Variants in AGGF1 observed in about 807,000 individuals in gnomAD.
AGGF1 encodes the protein angiogenic factor with G patch and FHA domains 1.
A neutral mutation model predicts 86.5 loss-of-function variants in AGGF1; 56 were observed. That is an observed-to-expected ratio of 0.65 (90% CI 0.52 to 0.81). The LOEUF (loss-of-function observed/expected upper bound fraction) is 0.81, where lower values mean the gene tolerates loss of function less well. Among genes scored for constraint, AGGF1 ranks in the 30% least tolerant of loss-of-function variants. The pLI is 0.00. For missense variants in AGGF1, 816 were observed against 850.9 expected (o/e 0.96, Z 0.51); for synonymous variants, 313 against 297.1 (o/e 1.05, Z -0.55).
chr5:77,049,094 G>A, intron 8 of AGGF1, 107 bp downstream of exon 8: 1 of 1,033,234 alleles, frequency 9.7e-7, no homozygotes, highest in Admixed American at 1.8e-5. Flanking sequence ...AGGTTAACAT[G>A]CAGTGTAGTA....
chr5:77,036,833 G>A (rs1042301710), intron 4 of AGGF1, 113 bp downstream of exon 4: 1 of 1,163,330 alleles, frequency 8.6e-7, no homozygotes, highest in Admixed American at 1.9e-5. Context: ...CACCCCCCAG[G>A]TTCAAGTGAT....
Position 77,030,756 on chromosome 5 carries a change from C to A in AGGF1, c.-11C>A. On this transcript the variant is annotated 5_prime_UTR_variant, in exon 1 of 14. Coordinates refer to ENST00000312916, the MANE Select transcript of AGGF1 (RefSeq NM_018046.5). ...CCCTCCGCGGCGACGAGCAGTCTCG[C>A]GCCGGAGCTCATGGCCTCGGAGGCG... is the stretch of plus-strand genomic sequence containing the variant. 6.4e-7 allele frequency: 1 copy of A among 1,561,056 alleles called. No homozygotes were observed. The highest frequency in any genetic ancestry group is 8.6e-7 in the Non-Finnish European group (1 of 1,160,130).
At chr5:77,052,936 G>C (rs1434143481) in intron 9 of AGGF1, 129 bp downstream of exon 9, 2 of 781,248 alleles carry the variant, frequency 2.6e-6, no homozygotes, top group East Asian at 5.4e-5. Flanking sequence ...ACTTCGGAAG[G>C]AATTTCCAGA....
intron 5 of AGGF1, among the ~76,000 whole-genome samples, chr5:77,043,776 T>A (rs1338180770): frequency 8.5e-6 from 1 of 118,046 alleles, no homozygotes; most frequent in African/African-American, 3.0e-5. Flanking sequence ...GCTCCTCACT[T>A]CTCAGAGTGG....
Position 77,059,639 on chromosome 5 carries a change from G to T in AGGF1, c.1740G>T (p.Lys580Asn). 3.7e-6 allele frequency: 6 copies of T among 1,609,510 alleles called. No homozygotes were observed. Among genetic ancestry groups the T allele is most frequent in the Non-Finnish European group, 5.1e-6 (6 of 1,176,330 alleles). Residue 580 changes from lysine to asparagine, a missense_variant, in exon 12 of 14, where the codon AAG (lysine) becomes AAT (asparagine). Coordinates refer to ENST00000312916, the MANE Select transcript of AGGF1 (RefSeq NM_018046.5). ...AGAATACAGAATACGAAGATGAAAA[G>T]ACATTGAAGAATCCAAAATATAAAG... Reference protein sequence around the residue: ...GLQNTEYEDEKTLKNPKYKDR... With the variant: ...GLQNTEYEDENTLKNPKYKDR...
intron 4 of AGGF1, among the ~76,000 whole-genome samples, chr5:77,037,044 G>A (rs1443166772): frequency 1.3e-5 from 2 of 152,158 alleles, no homozygotes; most frequent in African/African-American, 4.8e-5. Context: ...AAGTAAGAAA[G>A]CAAAAAGCTG....
At chr5:77,044,924 A>T (rs535341632) in intron 5 of AGGF1, among the ~76,000 whole-genome samples, 1 of 152,188 alleles carries the variant, frequency 6.6e-6, no homozygotes, top group African/African-American at 2.4e-5. Flanking sequence ...TTACCTGGGT[A>T]TGGTGGTGCG....
rs1470014863 is a variant in AGGF1, at chr5:77,031,079, G to A, written c.210+103G>A. The A allele has an allele frequency of 8.2e-6, 10 of 1,223,818 alleles. No individual in the cohort carries two copies. The East Asian group carries it at 9.3e-5, about 11-fold the overall frequency. 75.8% of individuals were successfully genotyped at this position (1,223,818 alleles called of 1,614,324 possible). ...TCCCTGGCAGGGGCTCAGAACTACT[G>A]TAGAGTACTTAAAGTAAATAAGTAG... is the stretch of plus-strand genomic sequence containing the variant. On this transcript the variant is annotated intron_variant, in intron 1 of 13. Coordinates refer to ENST00000312916, the MANE Select transcript of AGGF1 (RefSeq NM_018046.5).
intron 10 of AGGF1, 97 bp downstream of exon 10, chr5:77,054,227 T>G: frequency 7.2e-7 from 1 of 1,394,616 alleles, no homozygotes; most frequent in East Asian, 2.3e-5. Flanking sequence ...ACATGTCTAA[T>G]TGATACGATA....
intron 6 of AGGF1, among the ~76,000 whole-genome samples, chr5:77,047,834 T>G (rs1379016719): frequency 1.3e-5 from 2 of 150,636 alleles, no homozygotes; most frequent in Non-Finnish European, 3.0e-5. Context: ...TTTTTTTTTT[T>G]AATGGACTCA....
chr5:77,049,281 C>G (rs1747327921), intron 8 of AGGF1, among the ~76,000 whole-genome samples: 1 of 152,074 alleles, frequency 6.6e-6, no homozygotes, highest in Non-Finnish European at 1.5e-5. Flanking sequence ...AATAAATAGG[C>G]TACATTTTAT....
intron 1 of AGGF1, among the ~76,000 whole-genome samples, chr5:77,032,911 A>C (rs1205480779): frequency 1.3e-5 from 2 of 151,328 alleles, no homozygotes; most frequent in African/African-American, 4.8e-5. Context: ...AATATCATTC[A>C]ATGTTCACGT....
intron 11 of AGGF1, among the ~76,000 whole-genome samples, chr5:77,058,463 C>A (rs1747495344): frequency 1.3e-5 from 2 of 152,036 alleles, no homozygotes; most frequent in South Asian, 4.1e-4. Flanking sequence ...GTTGTTGTTG[C>A]TGTTTTACTT....
chr5:77,054,583 T>C (rs1277368036), intron 10 of AGGF1, among the ~76,000 whole-genome samples: 1 of 152,158 alleles, frequency 6.6e-6, no homozygotes. Context: ...TTTAAGTGTT[T>C]TTACCATACA....
chr5:77,046,993 T>C (rs1747267908), intron 6 of AGGF1, among the ~76,000 whole-genome samples: 2 of 152,238 alleles, frequency 1.3e-5, no homozygotes, highest in South Asian at 4.1e-4. Flanking sequence ...ATTTGTAGTC[T>C]ACTTTTGTAA....
intron 5 of AGGF1, among the ~76,000 whole-genome samples, chr5:77,040,047 A>C (rs1254064204): frequency 6.6e-6 from 1 of 152,128 alleles, no homozygotes; most frequent in Non-Finnish European, 1.5e-5. Context: ...GTTTATAGGT[A>C]GACATAGATA....
Position 77,046,332 on chromosome 5 carries a change from C to T in AGGF1, c.871-15C>T. 1.9e-6 allele frequency: 3 copies of T among 1,602,514 alleles called. No individual in the cohort carries two copies. Among genetic ancestry groups the T allele is most frequent in the Admixed American group, 1.7e-5 (1 of 59,996 alleles). ...ATTCTCCCCTGTTCCCTCGTATCTA[C>T]CCACCCTTCTCCAGGATTTGAACTC... On this transcript the variant is annotated splice_polypyrimidine_tract_variant and intron_variant, in intron 5 of 13. Coordinates refer to ENST00000312916, the MANE Select transcript of AGGF1 (RefSeq NM_018046.5).
rs1245692606 is a variant in AGGF1, at chr5:77,063,567, C to T, written c.*315C>T. The T allele has an allele frequency of 3.0e-6, 1 of 336,820 alleles. No individual in the cohort carries two copies. Among genetic ancestry groups the T allele is most frequent in the African/African-American group, 2.2e-5 (1 of 46,468 alleles). The allele number at this position is 336,820 out of a possible 1,614,324, so 20.9% of individuals were successfully genotyped here. ...CATATAAGCAAAATTCATAGAACTACTAATGACTTAAGTGTACATCTGTTC... is the reference window on the plus strand; with the variant it reads ...CATATAAGCAAAATTCATAGAACTATTAATGACTTAAGTGTACATCTGTTC... On this transcript the variant is annotated 3_prime_UTR_variant, in exon 14 of 14. Transcript: ENST00000312916.
intron 4 of AGGF1, among the ~76,000 whole-genome samples, chr5:77,039,082 G>GT (rs1747017461): frequency 6.6e-6 from 1 of 151,978 alleles, no homozygotes; most frequent in African/African-American, 2.4e-5. Context: ...TGAGAGGAGG[G>GT]TTTAGGGGTT....
Sources: gnomAD v4.1 joint callset for allele counts (sites outside exome capture counted in the v4.1 genomes callset) on GRCh38, gnomAD v4.1.1 for gene constraint, MANE v1.5 for transcripts, NCBI Gene and HGNC (gene_info 2026-07-23, HGNC 2026-07-21) for gene names.